The following SPATS2 variants were observed in gnomAD, a reference collection of about 807,000 sequenced individuals.
SPATS2 encodes the protein spermatogenesis-associated serine-rich protein 2.
Under a neutral mutation model 63.7 loss-of-function variants are expected in SPATS2, and 38 were observed. The ratio of observed to expected loss-of-function variants is 0.60; its 90% confidence interval spans 0.46 to 0.78. The LOEUF (loss-of-function observed/expected upper bound fraction) is 0.78, where lower values mean the gene tolerates loss of function less well. SPATS2 is among the 30% of genes least tolerant of loss of function. The pLI is 0.00. For synonymous variants in SPATS2, 207 were observed against 232.9 expected, an observed-to-expected ratio of 0.89 and a Z score of 1.01; for missense variants, 588 against 666.2, an observed-to-expected ratio of 0.88 and a Z score of 1.29.
At chr12:49,452,787 T>A (rs1203379906) in intron 2 of SPATS2, among the ~76,000 whole-genome samples, 1 of 152,138 alleles carries the variant, frequency 6.6e-6, no homozygotes, top group African/African-American at 2.4e-5. Flanking sequence ...TGGTTCTCTT[T>A]AAAAATAATT....
At position 49,460,916 on chromosome 12, in the gene SPATS2, C is replaced by T. The variant is rs574022445; in HGVS notation, c.-97C>T. The T allele has an allele frequency of 7.0e-5, 100 of 1,435,140 alleles. No homozygotes were observed. Among genetic ancestry groups the T allele is most frequent in the Middle Eastern group, 1.7e-4 (1 of 5,728 alleles). The allele number at this position is 1,435,140 out of a possible 1,614,324, so 88.9% of individuals were successfully genotyped here. On this transcript the variant is annotated 5_prime_UTR_variant, in exon 3 of 14. Transcript: ENST00000552918. ...TTTTTTGCTTCCAACTGCACACTTC[C>T]GTTGCCCACTTTTAAATCAGAGATA...
chr12:49,429,020 A>G (rs1004495161), intron 2 of SPATS2, among the ~76,000 whole-genome samples: 2 of 152,332 alleles, frequency 1.3e-5, no homozygotes, highest in East Asian at 1.9e-4. Flanking sequence ...AGCTCTAACT[A>G]CTGAGCTAGC....
Position 49,511,541 on chromosome 12 carries a change from T to G in SPATS2, c.840-3014T>G, listed in dbSNP as rs146927446. 2.8e-4 allele frequency among the ~76,000 whole-genome samples: 43 copies of G among 152,254 alleles called. No individual in the cohort carries two copies. In the East Asian group the frequency reaches 8.1e-3, roughly 29 times the overall value. On this transcript the variant is annotated intron_variant, in intron 9 of 13. Coordinates refer to ENST00000552918, the MANE Select transcript of SPATS2 (RefSeq NM_023071.4). ...AAGCCTTGAGAGAAGCTTAGTACCC[T>G]GAGGTATTGGAGTGAGCAAGGTAAT...
intron 2 of SPATS2, among the ~76,000 whole-genome samples, chr12:49,394,126 T>C (rs1475911445): frequency 6.6e-6 from 1 of 151,930 alleles, no homozygotes; most frequent in Non-Finnish European, 1.5e-5. Flanking sequence ...AGTGGGAAAA[T>C]TGCTTGAGCC....
intron 2 of SPATS2, among the ~76,000 whole-genome samples, chr12:49,375,742 G>A (rs117337630): frequency 0.04 from 6,126 of 152,282 alleles, 159 homozygotes; most frequent in Non-Finnish European, 0.059. Context: ...GTAATGACGG[G>A]AAGTTAATGT....
chr12:49,527,178 G>C lies in SPATS2; in HGVS notation c.*923G>C, dbSNP rs1034086471. On this transcript the variant is annotated 3_prime_UTR_variant, in exon 14 of 14. Transcript: ENST00000552918. ...GGAGGCGGAGGCTGCAGTGAGCTGA[G>C]ATTGTGCCACTGCACTCCAGCCTGG... The C allele has an allele frequency of 6.7e-5, 10 of 148,952 alleles. No homozygotes were observed. The highest frequency in any genetic ancestry group is 2.2e-4 in the African/African-American group (9 of 40,168). 9.2% of individuals were successfully genotyped at this position (148,952 alleles called of 1,614,324 possible).
intron 3 of SPATS2, among the ~76,000 whole-genome samples, chr12:49,465,869 G>A (rs1160915292): frequency 2.6e-5 from 4 of 152,024 alleles, no homozygotes; most frequent in African/African-American, 4.8e-5. Context: ...ACTTGAACCC[G>A]GGAGGCGGAG....
At chr12:49,382,493 T>A (rs970131115) in intron 2 of SPATS2, among the ~76,000 whole-genome samples, 2 of 152,158 alleles carry the variant, frequency 1.3e-5, no homozygotes, top group African/African-American at 2.4e-5. Flanking sequence ...AATTTATGAG[T>A]AATGAAAAAA....
At chr12:49,525,019 C>G (rs754209717) in intron 13 of SPATS2, 123 bp downstream of exon 13, 4 of 973,144 alleles carry the variant, frequency 4.1e-6, no homozygotes, top group Non-Finnish European at 6.0e-6. Context: ...TTTTGAATCC[C>G]TCCAACCCAA....
chr12:49,508,470 G>T (rs1343561037), intron 9 of SPATS2, among the ~76,000 whole-genome samples: 2 of 152,152 alleles, frequency 1.3e-5, no homozygotes, highest in Admixed American at 6.5e-5. Flanking sequence ...GCCTGCCTTG[G>T]CCTCCCAAAG....
At chr12:49,485,518 C>T (rs143314710) in intron 4 of SPATS2, among the ~76,000 whole-genome samples, 2,234 of 151,242 alleles carry the variant, frequency 0.015, 63 homozygotes, top group African/African-American at 0.052. Flanking sequence ...TGCATCATCA[C>T]GCCCAGCTAA....
At chr12:49,474,304 A>G (rs1038927930) in intron 3 of SPATS2, among the ~76,000 whole-genome samples, 1 of 152,212 alleles carries the variant, frequency 6.6e-6, no homozygotes, top group African/African-American at 2.4e-5. Flanking sequence ...TTGACTTCTA[A>G]GTCGGTTTAA....
chr12:49,468,334 ATT>A (rs1945966890), intron 3 of SPATS2, among the ~76,000 whole-genome samples: 1 of 150,452 alleles, frequency 6.6e-6, no homozygotes, highest in Non-Finnish European at 1.5e-5. Flanking sequence ...TAATTTTTGT[ATT>A]TTTAGTAGAG....
chr12:49,374,554 A>G (rs1944059264), intron 2 of SPATS2, among the ~76,000 whole-genome samples: 1 of 152,196 alleles, frequency 6.6e-6, no homozygotes, highest in Admixed American at 6.5e-5. Flanking sequence ...CATCTTCTAT[A>G]CAGATTCTTC....
chr12:49,510,495 C>T (rs1318537756), intron 9 of SPATS2, among the ~76,000 whole-genome samples: 3 of 141,748 alleles, frequency 2.1e-5, no homozygotes, highest in East Asian at 2.1e-4. Context: ...GCCCAGGAGG[C>T]GGAGGTTGGC....
At chr12:49,489,328 T>C in intron 4 of SPATS2, 137 bp from the exon 5 acceptor site, 1 of 549,338 alleles carries the variant, frequency 1.8e-6, no homozygotes, top group Non-Finnish European at 3.2e-6. Flanking sequence ...GATGCTTGTA[T>C]GTACTGTCAC....
intron 2 of SPATS2, among the ~76,000 whole-genome samples, chr12:49,432,614 C>CA (rs1381079402): frequency 6.6e-6 from 1 of 152,192 alleles, no homozygotes; most frequent in East Asian, 1.9e-4. Context: ...CCTGGCCCAC[C>CA]ATTCTACTTT....
chr12:49,412,568 G>A (rs921871917), intron 2 of SPATS2, among the ~76,000 whole-genome samples: 1 of 151,794 alleles, frequency 6.6e-6, no homozygotes, highest in Non-Finnish European at 1.5e-5. Flanking sequence ...CATTGATTAT[G>A]TGTGTGTGTA....
At position 49,526,126 on chromosome 12, in the gene SPATS2, C is replaced by A; in HGVS notation, c.1509C>A (p.Gly503=). The A allele has an allele frequency of 1.2e-6, 2 of 1,614,154 alleles. No individual in the cohort carries two copies. The highest frequency in any genetic ancestry group is 1.7e-6 in the Non-Finnish European group (2 of 1,180,040). ...SQAPGNTIER[G]QTHSAGTNGT... Reference sequence around the variant, plus strand: ...CACCAGGAAACACCATTGAAAGAGGCCAGACTCACTCTGCAGGGACCAATG... The same window carrying A: ...CACCAGGAAACACCATTGAAAGAGGACAGACTCACTCTGCAGGGACCAATG... The change falls in exon 14 of 14, where the codon GGC becomes GGA. Residue 503 remains glycine (G), a synonymous_variant. Transcript: ENST00000552918.
Sources: gnomAD v4.1 joint callset for allele counts (sites outside exome capture counted in the v4.1 genomes callset) on GRCh38, gnomAD v4.1.1 for gene constraint, MANE v1.5 for transcripts, NCBI Gene and HGNC (gene_info 2026-07-23, HGNC 2026-07-21) for gene names.